The following FGF12 variants were observed in gnomAD, a reference collection of about 807,000 sequenced individuals.
The protein encoded by FGF12 is fibroblast growth factor 12.
Under a neutral mutation model 23.6 loss-of-function variants are expected in FGF12, and 14 were observed. The ratio of observed to expected loss-of-function variants is 0.59; its 90% CI spans 0.39 to 0.93. FGF12 has a LOEUF of 0.93. Ranked by LOEUF, FGF12 falls within the 40% of genes least tolerant of loss-of-function variation. The probability of loss-of-function intolerance (pLI) is 0.00; values close to 1 mark genes in which losing one functional copy is unlikely to be tolerated. For synonymous variants in FGF12, 62 were observed against 77.3 expected, an observed-to-expected ratio of 0.80 and a Z score of 1.04; for missense variants, 175 against 217.8, an observed-to-expected ratio of 0.80 and a Z score of 1.24.
intron 2 of FGF12, among the ~76,000 whole-genome samples, chr3:192,642,430 A>C (rs1715841669): frequency 6.6e-6 from 1 of 152,228 alleles, no homozygotes; most frequent in Non-Finnish European, 1.5e-5. Flanking sequence ...AGATTAGAGA[A>C]GCCAAAACAT....
chr3:192,431,027 C>T (rs1721845749), intron 2 of FGF12, among the ~76,000 whole-genome samples: 1 of 152,166 alleles, frequency 6.6e-6, no homozygotes, highest in Admixed American at 6.5e-5. Context: ...GGAGTCCACC[C>T]ACTTTCTCCA....
At chr3:192,531,910 T>G (rs548368974) in intron 2 of FGF12, among the ~76,000 whole-genome samples, 40 of 152,320 alleles carry the variant, frequency 2.6e-4, no homozygotes, top group African/African-American at 9.4e-4. Context: ...ACACTCAGCA[T>G]TAGACCTACA....
chr3:192,280,655 C>A (rs1175644795), intron 4 of FGF12, among the ~76,000 whole-genome samples: 3 of 152,028 alleles, frequency 2.0e-5, no homozygotes, highest in Non-Finnish European at 4.4e-5. Flanking sequence ...TATCTAGGAA[C>A]TATCATCCTC....
At position 192,726,369 on chromosome 3, in the gene FGF12, G is replaced by A. The variant is rs117904490; in HGVS notation, c.13+812C>T. On this transcript the variant is annotated intron_variant, in intron 2 of 5. Transcript: ENST00000445105. ...TCAAGGCTCTCACAACCTGGTGGGCGTTTTAAGGAGAAGGAGAAACAGACC... is the reference window on the plus strand; with the variant it reads ...TCAAGGCTCTCACAACCTGGTGGGCATTTTAAGGAGAAGGAGAAACAGACC... 2.5e-4 allele frequency among the ~76,000 whole-genome samples: 38 copies of A among 152,258 alleles called. No individual in the cohort carries two copies. In the East Asian group the frequency reaches 2.5e-3, roughly 10 times the overall value.
At position 192,535,405 on chromosome 3, in the gene FGF12, G is replaced by A. The variant is rs79754239; in HGVS notation, c.14-174867C>T. Among the ~76,000 whole-genome samples the A allele has an allele frequency of 6.2e-3, 938 of 152,216 alleles. 8 individuals carry two copies. The highest frequency in any genetic ancestry group is 0.021 in the African/African-American group (881 of 41,530). The stretch of plus-strand genomic sequence containing the variant: ...CTTCTTTCTTCAGCAAAGCATCTTG[G>A]TAGATCAAAACATGCACAGAGGAGT... On this transcript the variant is annotated intron_variant, in intron 2 of 5. Coordinates refer to ENST00000445105, the MANE Select transcript of FGF12 (RefSeq NM_004113.6).
intron 2 of FGF12, among the ~76,000 whole-genome samples, chr3:192,714,726 G>C (rs1338645681): frequency 3.9e-5 from 6 of 151,926 alleles, no homozygotes; most frequent in Admixed American, 3.9e-4. Context: ...CATCGTTTTA[G>C]CCGGGATGGT....
chr3:192,446,599 G>C (rs1722362591), intron 2 of FGF12, among the ~76,000 whole-genome samples: 1 of 152,198 alleles, frequency 6.6e-6, no homozygotes, highest in South Asian at 2.1e-4. Context: ...ACAGTAGTCA[G>C]CAAACAGAGA....
At chr3:192,238,619 C>T (rs1422176970) in intron 4 of FGF12, 1 of 152,164 alleles carries the variant, frequency 6.6e-6, no homozygotes, top group African/African-American at 2.4e-5. Flanking sequence ...TGATGTGCCA[C>T]TGGACAGACT....
At chr3:192,376,084 T>C (rs927948455) in intron 2 of FGF12, among the ~76,000 whole-genome samples, 4 of 152,100 alleles carry the variant, frequency 2.6e-5, no homozygotes, top group Admixed American at 6.6e-5. Flanking sequence ...TCTTTGATTA[T>C]AGATGATCTG....
Position 192,140,592 on chromosome 3 carries a change from C to G in FGF12, c.*3417G>C, listed in dbSNP as rs1713314564. 1 of 151,960 alleles carries G rather than the reference C, an allele frequency of 6.6e-6. No individual in the cohort carries two copies. The highest frequency in any genetic ancestry group is 1.5e-5 in the Non-Finnish European group (1 of 67,890). The allele number at this position is 151,960 out of a possible 1,614,324, so 9.4% of individuals were successfully genotyped here. On this transcript the variant is annotated 3_prime_UTR_variant, in exon 6 of 6. Coordinates refer to ENST00000445105, the MANE Select transcript of FGF12 (RefSeq NM_004113.6). The stretch of plus-strand genomic sequence containing the variant: ...TTGTCCTTACTCTTGTCTTAATACT[C>G]TCATCTCCCACTAGTGGCACCGCAG...
At chr3:192,323,055 C>T (rs1485887247) in intron 4 of FGF12, among the ~76,000 whole-genome samples, 1 of 151,978 alleles carries the variant, frequency 6.6e-6, no homozygotes, top group Non-Finnish European at 1.5e-5. Flanking sequence ...GGCTGTTATC[C>T]AAAAGACAGG....
At chr3:192,629,957 C>T (rs1478522803) in intron 2 of FGF12, among the ~76,000 whole-genome samples, 2 of 152,154 alleles carry the variant, frequency 1.3e-5, no homozygotes, top group Non-Finnish European at 2.9e-5. Flanking sequence ...GGATGAGCTC[C>T]GGCCCAAATC....
chr3:192,477,304 C>T (rs1222575770), intron 2 of FGF12, among the ~76,000 whole-genome samples: 2 of 152,190 alleles, frequency 1.3e-5, no homozygotes, highest in African/African-American at 4.8e-5. Context: ...AGAGTACACT[C>T]ATGCCCCTCA....
chr3:192,256,285 C>T (rs1207574026), intron 4 of FGF12, among the ~76,000 whole-genome samples: 2 of 151,868 alleles, frequency 1.3e-5, no homozygotes, highest in Admixed American at 6.6e-5. Context: ...ATACATTGTT[C>T]CTTTTAATCT....
At chr3:192,606,648 A>C (rs1389906525) in intron 2 of FGF12, among the ~76,000 whole-genome samples, 1 of 152,174 alleles carries the variant, frequency 6.6e-6, no homozygotes, top group African/African-American at 2.4e-5. Context: ...CATCACAGAG[A>C]ATCTTGTAAC....
intron 2 of FGF12, among the ~76,000 whole-genome samples, chr3:192,498,294 C>T (rs1244209144): frequency 6.6e-6 from 1 of 152,114 alleles, no homozygotes. Context: ...CTTTGTATGC[C>T]CAAAGTCCGG....
intron 4 of FGF12, among the ~76,000 whole-genome samples, chr3:192,271,652 A>G (rs776013688): frequency 6.6e-6 from 1 of 152,058 alleles, no homozygotes; most frequent in Non-Finnish European, 1.5e-5. Context: ...TTTCCTTTAG[A>G]TATCAATTCA....
rs150315604 is a variant in FGF12, at chr3:192,438,188, T to A, written c.14-77650A>T. On this transcript the variant is annotated intron_variant, in intron 2 of 5. Transcript: ENST00000445105. ...CTATTGTCCTTTAAAAAATCTCACATGTGCTATAAAAGCATCTCTGATTCT... is the reference window on the plus strand; with the variant it reads ...CTATTGTCCTTTAAAAAATCTCACAAGTGCTATAAAAGCATCTCTGATTCT... 4.6e-5 allele frequency among the ~76,000 whole-genome samples: 7 copies of A among 152,344 alleles called. No homozygotes were observed. In the East Asian group the frequency reaches 1.4e-3, roughly 29 times the overall value.
chr3:192,599,254 T>TATAATAATAATAATAATAATA (rs11269443), intron 2 of FGF12, among the ~76,000 whole-genome samples: 3 of 98,330 alleles, frequency 3.1e-5, no homozygotes, highest in African/African-American at 1.3e-4. Context: ...GAACTTGAAG[T>TATAATAATAATAATAATAATA]ATAATAATAA....
Sources: allele counts gnomAD v4.1 joint callset (sites outside exome capture counted in the v4.1 genomes callset), GRCh38; gene constraint gnomAD v4.1.1; transcripts MANE v1.5; gene names NCBI Gene and HGNC (gene_info 2026-07-23, HGNC 2026-07-21).